LRFN2: variants seen among roughly 807,000 people sequenced by gnomAD.
LRFN2 encodes the protein leucine-rich repeat and fibronectin type-III domain-containing protein 2.
LRFN2 carries 18 observed loss-of-function variants against 37.3 expected under a neutral mutation model. The observed-to-expected ratio is 0.48, with a 90% CI of 0.33 to 0.72. LRFN2 has a LOEUF of 0.72. LRFN2 is among the 30% of genes least tolerant of loss of function. The pLI, the probability that LRFN2 is intolerant of heterozygous loss-of-function variation, is 0.02. For synonymous variants in LRFN2, 556 were observed against 466.6 expected (o/e 1.19, Z -2.47); for missense variants, 1,006 against 1,060.7 (o/e 0.95, Z 0.72).
intron 2 of LRFN2, among the ~76,000 whole-genome samples, chr6:40,394,752 A>C (rs1161109463): frequency 6.6e-6 from 1 of 152,092 alleles, no homozygotes; most frequent in Non-Finnish European, 1.5e-5. Context: ...TAATTAAATC[A>C]TGAGGGTGGG....
At chr6:40,581,012 G>T (rs1023427199) in intron 1 of LRFN2, among the ~76,000 whole-genome samples, 3 of 152,162 alleles carry the variant, frequency 2.0e-5, no homozygotes, top group Non-Finnish European at 4.4e-5. Flanking sequence ...GGGTGTGTGT[G>T]TATGAATGTG....
intron 2 of LRFN2, among the ~76,000 whole-genome samples, chr6:40,428,191 C>T (rs1161565299): frequency 6.6e-6 from 1 of 152,224 alleles, no homozygotes; most frequent in Non-Finnish European, 1.5e-5. Flanking sequence ...GCTGCTGTTG[C>T]TGCTGCTGCT....
At chr6:40,534,005 A>T (rs1032328663) in intron 1 of LRFN2, among the ~76,000 whole-genome samples, 25 of 152,242 alleles carry the variant, frequency 1.6e-4, no homozygotes, top group African/African-American at 5.1e-4. Flanking sequence ...TTCTCATGTC[A>T]TAGGCACTGT....
At position 40,392,582 on chromosome 6, in the gene LRFN2, C is replaced by A. The variant is rs750989874; in HGVS notation, c.1731G>T (p.Ser577=). The A allele has an allele frequency of 1.0e-5, 16 of 1,607,252 alleles. No individual in the cohort carries two copies. The highest frequency in any genetic ancestry group is 2.2e-5 in the South Asian group (2 of 91,024). Residue 577 remains serine (S), a synonymous_variant, in exon 3 of 3, where the codon TCG becomes TCT. Transcript: ENST00000338305. The surrounding 1 kb of genome is among the most constrained non-coding windows in gnomAD (Gnocchi z 4.7). ...KMAAAVSNVY[S]QTNGAQPPPP... ...GCGGTGGCTGGGCGCCGTTGGTCTG[C>A]GAGTACACATTGCTCACGGCCGCTG...
chr6:40,420,603 C>T (rs543137603), intron 2 of LRFN2, among the ~76,000 whole-genome samples: 2 of 152,374 alleles, frequency 1.3e-5, no homozygotes, highest in South Asian at 4.1e-4. Context: ...TCATACGCCT[C>T]CCCAACATCC....
At chr6:40,439,115 C>G (rs1440813215) in intron 1 of LRFN2, among the ~76,000 whole-genome samples, 2 of 152,090 alleles carry the variant, frequency 1.3e-5, no homozygotes, top group African/African-American at 4.8e-5. Flanking sequence ...CTGTTCCAGA[C>G]AGAAGAGGCA....
chr6:40,512,058 T>C (rs1313958044), intron 1 of LRFN2, among the ~76,000 whole-genome samples: 1 of 152,184 alleles, frequency 6.6e-6, no homozygotes, highest in African/African-American at 2.4e-5. Flanking sequence ...AGCCAGACTT[T>C]TGGACGCTTA....
At chr6:40,487,884 C>T (rs1561875397) in intron 1 of LRFN2, among the ~76,000 whole-genome samples, 1 of 146,278 alleles carries the variant, frequency 6.8e-6, no homozygotes, top group Non-Finnish European at 1.5e-5. Flanking sequence ...CAGAATCACC[C>T]AACCCTCCTA....
chr6:40,581,927 T>C (rs1202723274), intron 1 of LRFN2, among the ~76,000 whole-genome samples: 1 of 152,180 alleles, frequency 6.6e-6, no homozygotes, highest in Non-Finnish European at 1.5e-5. Context: ...CCCTCAGTAT[T>C]AGTTGGGGGA....
chr6:40,399,443 T>TC (rs1456396285), intron 2 of LRFN2, among the ~76,000 whole-genome samples: 5 of 137,454 alleles, frequency 3.6e-5, no homozygotes, highest in African/African-American at 1.5e-4. Context: ...TTTTTCTTTT[T>TC]TTTTTTTTTT....
At chr6:40,551,844 TAC>T (rs985590383) in intron 1 of LRFN2, among the ~76,000 whole-genome samples, 1 of 152,056 alleles carries the variant, frequency 6.6e-6, no homozygotes, top group Non-Finnish European at 1.5e-5. Context: ...TGCTCTGACA[TAC>T]CAACATGATA....
chr6:40,455,611 A>G (rs1764218286), intron 1 of LRFN2, among the ~76,000 whole-genome samples: 1 of 152,202 alleles, frequency 6.6e-6, no homozygotes. Context: ...TATTCACTCT[A>G]AAGGACTGTG....
chr6:40,450,298 C>G (rs1269818443), intron 1 of LRFN2, among the ~76,000 whole-genome samples: 1 of 152,216 alleles, frequency 6.6e-6, no homozygotes, highest in Non-Finnish European at 1.5e-5. Flanking sequence ...CCTGCCAATT[C>G]TTGGAGACTT....
At chr6:40,495,204 G>C (rs1272818226) in intron 1 of LRFN2, among the ~76,000 whole-genome samples, 2 of 152,114 alleles carry the variant, frequency 1.3e-5, no homozygotes, top group Non-Finnish European at 2.9e-5. Context: ...CCAGACAACA[G>C]CTTTGATACA....
At chr6:40,487,200 G>A (rs1030781852) in intron 1 of LRFN2, among the ~76,000 whole-genome samples, 1 of 152,160 alleles carries the variant, frequency 6.6e-6, no homozygotes, top group Non-Finnish European at 1.5e-5. Context: ...TCTTTTGCTG[G>A]TCTTTCAGCA....
At chr6:40,585,375 G>C (rs1311132613) in intron 1 of LRFN2, among the ~76,000 whole-genome samples, 2 of 152,142 alleles carry the variant, frequency 1.3e-5, no homozygotes, top group African/African-American at 4.8e-5. Context: ...TCCAGCATCA[G>C]CAGAAGGGCC....
chr6:40,416,594 T>C (rs182210183), intron 2 of LRFN2, among the ~76,000 whole-genome samples: 1 of 152,226 alleles, frequency 6.6e-6, no homozygotes, highest in East Asian at 1.9e-4. Context: ...AGAGTTGCAA[T>C]AAATAAGCAA....
intron 1 of LRFN2, among the ~76,000 whole-genome samples, chr6:40,518,431 T>C (rs767505695): frequency 5.3e-5 from 8 of 152,172 alleles, no homozygotes; most frequent in African/African-American, 1.9e-4. Context: ...GCTTAGTGAA[T>C]GGTAGAGCCT....
In LRFN2 at chr6:40,459,818, T is replaced by C. The variant is rs115242799; in HGVS notation, c.-18-26687A>G. On this transcript the variant is annotated intron_variant, in intron 1 of 2. Transcript: ENST00000338305. ...TTTTAATGAGAACATTTAATCTTTG[T>C]CTCTGGCTAGGGGCCTCATACATTA... Among the ~76,000 whole-genome samples, 458 of 152,328 alleles carry C rather than the reference T, an allele frequency of 3.0e-3. 4 individuals are homozygous for C. Among genetic ancestry groups the C allele is most frequent in the Non-Finnish European group, 4.0e-3 (271 of 68,034 alleles).
Sources: gnomAD v4.1 joint callset for allele counts (sites outside exome capture counted in the v4.1 genomes callset) on GRCh38, gnomAD v4.1.1 for gene constraint, Gnocchi (gnomAD v3.1) non-coding constraint, MANE v1.5 for transcripts, NCBI Gene and HGNC (gene_info 2026-07-23, HGNC 2026-07-21) for gene names.